Variants in PRKCH observed in about 807,000 individuals in gnomAD.
PRKCH encodes protein kinase C eta type.
PRKCH carries 28 observed loss-of-function variants against 82.5 expected under a neutral mutation model. The observed-to-expected ratio is 0.34, with a 90% CI of 0.25 to 0.47. The LOEUF is 0.47. PRKCH is among the 20% of genes least tolerant of loss of function. PRKCH has a pLI of 1.00. For missense variants in PRKCH, 705 were observed against 881.8 expected (o/e 0.80, Z 2.54); for synonymous variants, 322 against 327.4 (o/e 0.98, Z 0.18).
intron 10 of PRKCH, among the ~76,000 whole-genome samples, chr14:61,490,720 C>A (rs1050114361): frequency 6.6e-6 from 1 of 152,076 alleles, no homozygotes; most frequent in African/African-American, 2.4e-5. Context: ...TCAAGACCAG[C>A]GTAGGCAACA....
intron 2 of PRKCH, among the ~76,000 whole-genome samples, chr14:61,441,865 G>A (rs373894096): frequency 1.3e-3 from 200 of 151,758 alleles, no homozygotes; most frequent in African/African-American, 4.6e-3. Context: ...TGTCCAGGTG[G>A]TCTTGAACTC....
chr14:61,474,948 C>G lies in PRKCH; in HGVS notation c.1279-10554C>G, dbSNP rs150397967. 4.3e-3 allele frequency among the ~76,000 whole-genome samples: 648 copies of G among 152,274 alleles called. 2 individuals carry two copies. Among genetic ancestry groups the G allele is most frequent in the Non-Finnish European group, 6.3e-3 (426 of 68,018 alleles). On this transcript the variant is annotated intron_variant, in intron 9 of 13. Transcript: ENST00000332981. Reference sequence around the variant, plus strand: ...TAGATTCCCAGGCATCACCTTGAGGCAGATATGGCATATTCTTGGCCATAG... The same window carrying G: ...TAGATTCCCAGGCATCACCTTGAGGGAGATATGGCATATTCTTGGCCATAG...
chr14:61,377,931 C>T (rs2046446609), intron 1 of PRKCH, among the ~76,000 whole-genome samples: 1 of 152,180 alleles, frequency 6.6e-6, no homozygotes, highest in African/African-American at 2.4e-5. Flanking sequence ...TAGTGGCTCC[C>T]CTTGGCCTGC....
At chr14:61,485,476 G>A (rs1218263612) in intron 9 of PRKCH, 26 bp from the exon 10 acceptor site, 7 of 1,610,536 alleles carry the variant, frequency 4.3e-6, no homozygotes, top group African/African-American at 1.3e-5. Flanking sequence ...ACACCACATT[G>A]GGCCCTCTCT....
At chr14:61,496,014 T>C (rs983092138) in intron 10 of PRKCH, among the ~76,000 whole-genome samples, 4 of 152,162 alleles carry the variant, frequency 2.6e-5, no homozygotes, top group African/African-American at 9.7e-5. Flanking sequence ...CAGCTCCATG[T>C]GAATATCTGG....
chr14:61,226,475 G>T (rs1404624457), intron 1 of PRKCH, among the ~76,000 whole-genome samples: 1 of 152,196 alleles, frequency 6.6e-6, no homozygotes, highest in Non-Finnish European at 1.5e-5. Context: ...TTAAAAGAAT[G>T]TGACAACTTG....
intron 9 of PRKCH, among the ~76,000 whole-genome samples, chr14:61,478,379 G>T (rs990252410): frequency 6.6e-6 from 1 of 151,982 alleles, no homozygotes; most frequent in East Asian, 1.9e-4. Context: ...GTCATACCAG[G>T]GACTTGGGCA....
intron 1 of PRKCH, among the ~76,000 whole-genome samples, chr14:61,196,386 G>A (rs1354136570): frequency 6.6e-6 from 1 of 152,190 alleles, no homozygotes; most frequent in Non-Finnish European, 1.5e-5. Context: ...GATGATACTA[G>A]TTTAGGTAAT....
At chr14:61,455,329 C>T (rs905172029) in intron 7 of PRKCH, among the ~76,000 whole-genome samples, 5 of 151,938 alleles carry the variant, frequency 3.3e-5, no homozygotes, top group Admixed American at 2.0e-4. Flanking sequence ...CTTGAGCCAC[C>T]GCGCCTGGCC....
rs947469660 is a variant in PRKCH, at chr14:61,548,034, A to G, written c.1905+148A>G. On this transcript the variant is annotated intron_variant, in intron 13 of 13. Transcript: ENST00000332981. ...CACAGGGCAGCCTCCCCTGGGGGGA[A>G]TCTGGGCTCCTTGTCCATGGGACAA... 9 of 1,019,292 alleles carry G rather than the reference A, an allele frequency of 8.8e-6. 1 individual carries two copies. Among genetic ancestry groups the G allele is most frequent in the Admixed American group, 5.1e-5 (2 of 39,412 alleles). The allele number at this position is 1,019,292 out of a possible 1,614,324, so 63.1% of individuals were successfully genotyped here.
chr14:61,379,592 T>C (rs66514990), intron 1 of PRKCH, among the ~76,000 whole-genome samples: 14,377 of 152,314 alleles, frequency 0.094, 804 homozygotes, highest in Non-Finnish European at 0.1. Context: ...GGTTAGTTTA[T>C]ATCTTGTTTT....
intron 2 of PRKCH, among the ~76,000 whole-genome samples, chr14:61,417,317 C>T (rs888963420): frequency 4.6e-5 from 7 of 152,126 alleles, no homozygotes; most frequent in African/African-American, 1.7e-4. Context: ...CTTTTTTGAG[C>T]TCTCATTGTT....
intron 1 of PRKCH, among the ~76,000 whole-genome samples, chr14:61,223,274 A>G (rs17098135): frequency 6.6e-6 from 1 of 152,176 alleles, no homozygotes; most frequent in Non-Finnish European, 1.5e-5. Context: ...TTCCACCTTC[A>G]GACTCCAGAC....
chr14:61,373,471 A>G (rs2046389616), intron 1 of PRKCH, among the ~76,000 whole-genome samples: 1 of 152,006 alleles, frequency 6.6e-6, no homozygotes, highest in Non-Finnish European at 1.5e-5. Flanking sequence ...CCCTCCCCTG[A>G]CAGGTGGAGT....
rs896459919 is a variant in PRKCH, at chr14:61,400,007, A to G, written c.427+8719A>G. The stretch of plus-strand genomic sequence containing the variant: ...TGTCCTGGGGAGACAATGGAAAGGC[A>G]CTTGAATTTTGGCATCTGCTTTTTC... On this transcript the variant is annotated intron_variant, in intron 2 of 13. Transcript: ENST00000332981. Among the ~76,000 whole-genome samples, 7 of 152,360 alleles carry G rather than the reference A, an allele frequency of 4.6e-5. No individual in the cohort carries two copies. The South Asian group carries it at 1.2e-3, about 27-fold the overall frequency.
chr14:61,456,080 C>T (rs765753174), intron 7 of PRKCH, among the ~76,000 whole-genome samples: 2 of 152,194 alleles, frequency 1.3e-5, no homozygotes, highest in Non-Finnish European at 2.9e-5. Flanking sequence ...ATGATAATGA[C>T]AATACAGCTT....
At chr14:61,257,436 A>G (rs1260028499) in intron 1 of PRKCH, among the ~76,000 whole-genome samples, 3 of 152,136 alleles carry the variant, frequency 2.0e-5, no homozygotes, top group African/African-American at 7.2e-5. Flanking sequence ...AGAGACCCCT[A>G]TTTGTTCTCT....
intron 7 of PRKCH, among the ~76,000 whole-genome samples, chr14:61,456,216 G>C (rs1884759568): frequency 6.6e-6 from 1 of 152,208 alleles, no homozygotes; most frequent in African/African-American, 2.4e-5. Flanking sequence ...ACTGAGGTAG[G>C]GAGAGGCTGG....
At chr14:61,254,844 A>G (rs1056105873) in intron 1 of PRKCH, among the ~76,000 whole-genome samples, 3 of 152,160 alleles carry the variant, frequency 2.0e-5, no homozygotes, top group Admixed American at 1.3e-4. Flanking sequence ...GGAGAATCCA[A>G]TTTTTCTGGT....
Sources: gnomAD v4.1 joint callset for allele counts (sites outside exome capture counted in the v4.1 genomes callset) on GRCh38, gnomAD v4.1.1 for gene constraint, MANE v1.5 for transcripts, NCBI Gene and HGNC (gene_info 2026-07-23, HGNC 2026-07-21) for gene names.